The following ERC1 variants were observed in gnomAD, a reference collection of about 807,000 sequenced individuals.
ERC1 encodes the protein ELKS/RAB6-interacting/CAST family member 1.
Under a neutral mutation model 132.0 loss-of-function variants are expected in ERC1, and 56 were observed. The ratio of observed to expected loss-of-function variants is 0.42; its 90% CI spans 0.34 to 0.53. The LOEUF (loss-of-function observed/expected upper bound fraction) is 0.53, where lower values mean the gene tolerates loss of function less well. Ranked by LOEUF, ERC1 falls within the 20% of genes least tolerant of loss-of-function variation. The pLI is 0.03. For missense variants in ERC1, 1,202 were observed against 1,349.9 expected (o/e 0.89, Z 1.72); for synonymous variants, 478 against 476.1 (o/e 1.00, Z -0.05).
chr12:1,349,250 A>G (rs2084770635), intron 15 of ERC1, among the ~76,000 whole-genome samples: 2 of 152,228 alleles, frequency 1.3e-5, no homozygotes, highest in African/African-American at 4.8e-5. Flanking sequence ...GAAGCATAAA[A>G]CAGTGTTAGT....
chr12:1,458,154 G>T (rs2093576847), intron 18 of ERC1, among the ~76,000 whole-genome samples: 1 of 152,214 alleles, frequency 6.6e-6, no homozygotes, highest in East Asian at 1.9e-4. Flanking sequence ...TTGTCATGCT[G>T]AGACCAAGAA....
intron 1 of ERC1, among the ~76,000 whole-genome samples, chr12:1,004,684 T>C (rs1376519614): frequency 2.6e-5 from 4 of 152,012 alleles, no homozygotes; most frequent in South Asian, 2.1e-4. Context: ...GGATTACAGG[T>C]GTGAGCCACC....
intron 2 of ERC1, among the ~76,000 whole-genome samples, chr12:1,057,393 T>G (rs1438617373): frequency 6.6e-6 from 1 of 152,146 alleles, no homozygotes; most frequent in African/African-American, 2.4e-5. Context: ...TGGAAAGCGC[T>G]GGGCTTACAG....
chr12:1,223,521 A>C (rs1275982425), intron 12 of ERC1, among the ~76,000 whole-genome samples: 2 of 152,236 alleles, frequency 1.3e-5, no homozygotes, highest in Admixed American at 1.3e-4. Context: ...TATTCATGAT[A>C]TAAGTTCATG....
At chr12:1,236,934 C>T (rs369556494) in intron 13 of ERC1, 30 bp downstream of exon 13, 46 of 1,609,950 alleles carry the variant, frequency 2.9e-5, no homozygotes, top group South Asian at 1.8e-4. Context: ...CTGAAAGGAT[C>T]GGGTGAAGAC....
chr12:1,293,394 A>C (rs776174363), intron 15 of ERC1, among the ~76,000 whole-genome samples: 9 of 126,936 alleles, frequency 7.1e-5, no homozygotes, highest in Non-Finnish European at 1.4e-4. Context: ...CGGAGCTTGC[A>C]GTGAGCTGAG....
intron 18 of ERC1, among the ~76,000 whole-genome samples, chr12:1,460,642 G>A (rs1292590546): frequency 6.6e-6 from 1 of 152,082 alleles, no homozygotes; most frequent in East Asian, 1.9e-4. Flanking sequence ...CCTTTTGACT[G>A]GAGAGAAGCT....
At chr12:1,096,960 G>A (rs1194698839) in intron 3 of ERC1, among the ~76,000 whole-genome samples, 1 of 152,116 alleles carries the variant, frequency 6.6e-6, no homozygotes, top group Non-Finnish European at 1.5e-5. Context: ...TACTATCATA[G>A]TATTGTTATC....
At chr12:1,457,937 C>G (rs2093572734) in intron 18 of ERC1, among the ~76,000 whole-genome samples, 1 of 152,152 alleles carries the variant, frequency 6.6e-6, no homozygotes, top group Non-Finnish European at 1.5e-5. Flanking sequence ...CAATCTGCCC[C>G]TTCCCCTTAA....
intron 7 of ERC1, among the ~76,000 whole-genome samples, chr12:1,116,873 G>C (rs1946511869): frequency 6.6e-6 from 1 of 152,192 alleles, no homozygotes; most frequent in African/African-American, 2.4e-5. Flanking sequence ...GAGCCACCAT[G>C]CCCGGGCAGT....
At chr12:1,373,184 A>C (rs1188319285) in intron 16 of ERC1, among the ~76,000 whole-genome samples, 1 of 152,228 alleles carries the variant, frequency 6.6e-6, no homozygotes. Context: ...GAATGTGCTT[A>C]TTATGAAAGA....
intron 1 of ERC1, among the ~76,000 whole-genome samples, chr12:1,021,637 T>A (rs1025865035): frequency 6.6e-6 from 1 of 150,594 alleles, no homozygotes; most frequent in Non-Finnish European, 1.5e-5. Context: ...AGGCGGAGCT[T>A]GCAGTGAGCC....
intron 18 of ERC1, among the ~76,000 whole-genome samples, chr12:1,486,411 T>TTTTTATTTTA (rs141283306): frequency 0.021 from 3,194 of 150,958 alleles, 95 homozygotes; most frequent in African/African-American, 0.065. Context: ...TGTGAAGCAC[T>TTTTTATTTTA]TTTTACTTTA....
chr12:1,214,727 GAT>G (rs1958233825), intron 12 of ERC1, among the ~76,000 whole-genome samples: 1 of 151,416 alleles, frequency 6.6e-6, no homozygotes, highest in East Asian at 1.9e-4. Context: ...GGAGAAAAAG[GAT>G]ATGTTAGTAA....
chr12:1,404,442 A>G (rs1011109044), intron 16 of ERC1, among the ~76,000 whole-genome samples: 4 of 152,064 alleles, frequency 2.6e-5, no homozygotes, highest in Admixed American at 1.3e-4. Context: ...TAACAGTTCT[A>G]TATGAAAAAA....
At chr12:1,412,374 A>G (rs2091898604) in intron 17 of ERC1, among the ~76,000 whole-genome samples, 1 of 152,260 alleles carries the variant, frequency 6.6e-6, no homozygotes, top group South Asian at 2.1e-4. Context: ...TGATGTATCC[A>G]TAGATGGGAA....
At position 1,126,104 on chromosome 12, in the gene ERC1, A is replaced by G. The variant is rs537038975; in HGVS notation, c.1569+10071A>G. Among the ~76,000 whole-genome samples the G allele has an allele frequency of 1.6e-3, 243 of 152,348 alleles. 2 individuals carry two copies. The highest frequency in any genetic ancestry group is 2.9e-3 in the Non-Finnish European group (196 of 68,032). ...CAACACTACTGAACTGTAGACTTAAAATGATTGAGATAGCAAATTTTATGT... is the reference window on the plus strand; with the variant it reads ...CAACACTACTGAACTGTAGACTTAAGATGATTGAGATAGCAAATTTTATGT... On this transcript the variant is annotated intron_variant, in intron 7 of 18. Transcript: ENST00000360905.
At chr12:1,249,975 T>G (rs1210493840) in intron 13 of ERC1, among the ~76,000 whole-genome samples, 1 of 152,212 alleles carries the variant, frequency 6.6e-6, no homozygotes, top group African/African-American at 2.4e-5. Context: ...CTCCACCTCC[T>G]AATACCATCA....
Position 1,408,185 on chromosome 12 carries a change from G to A in ERC1, c.2962G>A (p.Glu988Lys), listed in dbSNP as rs775298873. Residue 988 changes from glutamate to lysine, a missense_variant, in exon 17 of 19, where the codon GAG becomes AAG. Coordinates refer to ENST00000360905, the MANE Select transcript of ERC1 (RefSeq NM_178040.4). The stretch of plus-strand genomic sequence containing the variant: ...AATGAAGCTAATGGCCGACAACTAC[G>A]AGGATGACCACTTCAAATCCTCCCA... ...NRMKLMADNY[E>K]DDHFKSSHSN... 5 of 1,613,804 alleles carry A rather than the reference G, an allele frequency of 3.1e-6. No individual in the cohort carries two copies. The highest frequency in any genetic ancestry group is 2.7e-5 in the African/African-American group (2 of 74,878).
Sources: gnomAD v4.1 joint callset for allele counts (sites outside exome capture counted in the v4.1 genomes callset) on GRCh38, gnomAD v4.1.1 for gene constraint, MANE v1.5 for transcripts, NCBI Gene and HGNC (gene_info 2026-07-23, HGNC 2026-07-21) for gene names.